OR1J2: variants seen among roughly 807,000 people sequenced by gnomAD.
OR1J2 encodes olfactory receptor family 1 subfamily J member 2, also known as olfactory receptor 1J2.
For missense variants in OR1J2, 304 were observed against 246.1 expected (o/e 1.24, Z -1.57); for synonymous variants, 142 against 99.7 (o/e 1.42, Z -2.52).
At chr9:122,575,662 C>G in the OR1J2 span, among the ~76,000 whole-genome samples, 1 of 152,126 alleles carries the variant, frequency 6.6e-6, no homozygotes, top group African/African-American at 2.4e-5. Flanking sequence ...TTGAGGTTTA[C>G]AGCATGATGC....
chr9:122,496,866 A>G, the OR1J2 span, among the ~76,000 whole-genome samples: 1 of 152,132 alleles, frequency 6.6e-6, no homozygotes, highest in Admixed American at 6.5e-5. Flanking sequence ...GGTTTGCCTT[A>G]AGTAGTTTCC....
the OR1J2 span, among the ~76,000 whole-genome samples, chr9:122,578,748 G>A: frequency 6.6e-6 from 1 of 152,124 alleles, no homozygotes; most frequent in African/African-American, 2.4e-5. Flanking sequence ...ATAAGTAGGA[G>A]CTGAGCTATG....
the OR1J2 span, among the ~76,000 whole-genome samples, chr9:122,532,971 T>G: frequency 2.0e-5 from 3 of 152,078 alleles, no homozygotes; most frequent in African/African-American, 7.2e-5. Flanking sequence ...AAATTTGGGC[T>G]TGACTGAAGT....
the OR1J2 span, among the ~76,000 whole-genome samples, chr9:122,558,872 C>T: frequency 6.6e-6 from 1 of 151,042 alleles, no homozygotes; most frequent in Non-Finnish European, 1.5e-5. Flanking sequence ...TCATTCTTTC[C>T]CTTATAATGT....
At chr9:122,507,963 C>G (rs551196928), upstream of OR1J2, among the ~76,000 whole-genome samples, 12 of 152,056 alleles carry the variant, frequency 7.9e-5, no homozygotes, top group Non-Finnish European at 1.3e-4. Flanking sequence ...TTCTGAGATT[C>G]GCAAGAGTTA....
At chr9:122,480,952 G>A in the OR1J2 span, among the ~76,000 whole-genome samples, 4 of 151,892 alleles carry the variant, frequency 2.6e-5, no homozygotes, top group African/African-American at 9.7e-5. Context: ...GCACCACTAC[G>A]CCCAGCTAAT....
At chr9:122,557,663 GTTTTC>G in the OR1J2 span, among the ~76,000 whole-genome samples, 1 of 151,968 alleles carries the variant, frequency 6.6e-6, no homozygotes, top group East Asian at 1.9e-4. Context: ...TTGGTATGTA[GTTTTC>G]TTTTCTTGTA....
the OR1J2 span, among the ~76,000 whole-genome samples, chr9:122,455,612 A>G: frequency 2.6e-5 from 4 of 152,168 alleles, no homozygotes; most frequent in Non-Finnish European, 5.9e-5. Flanking sequence ...CGATATCCTT[A>G]TCAGACATAT....
chr9:122,494,107 G>T, the OR1J2 span, among the ~76,000 whole-genome samples: 2 of 152,026 alleles, frequency 1.3e-5, no homozygotes, highest in Non-Finnish European at 2.9e-5. Context: ...CTATTGTATG[G>T]TCTATTGGGA....
At chr9:122,509,994 C>G (rs374048330), upstream of OR1J2, among the ~76,000 whole-genome samples, 8 of 152,012 alleles carry the variant, frequency 5.3e-5, no homozygotes, top group South Asian at 2.1e-4. Flanking sequence ...TGGGGCCTGT[C>G]GGGGGGTGCG....
At chr9:122,551,262 A>G in the OR1J2 span, among the ~76,000 whole-genome samples, 3 of 152,210 alleles carry the variant, frequency 2.0e-5, no homozygotes, top group Non-Finnish European at 4.4e-5. Flanking sequence ...TGTACTCCAG[A>G]GTCATTACAG....
At chr9:122,479,865 A>C in the OR1J2 span, among the ~76,000 whole-genome samples, 3 of 152,344 alleles carry the variant, frequency 2.0e-5, no homozygotes, top group Admixed American at 1.3e-4. Context: ...GAGCTATTTA[A>C]ATTTATCATA....
the OR1J2 span, chr9:122,477,421 C>T: frequency 6.2e-7 from 1 of 1,613,956 alleles, no homozygotes; most frequent in Non-Finnish European, 8.5e-7. Flanking sequence ...GTGGTCAGCA[C>T]AGAAGGAAAG....
chr9:122,572,508 T>G, the OR1J2 span, among the ~76,000 whole-genome samples: 7,522 of 152,076 alleles, frequency 0.049, 296 homozygotes, highest in South Asian at 0.17. Flanking sequence ...GGGAGAATAG[T>G]TCTAAAGTAC....
the OR1J2 span, among the ~76,000 whole-genome samples, chr9:122,497,117 C>G: frequency 6.6e-6 from 1 of 152,120 alleles, no homozygotes; most frequent in Non-Finnish European, 1.5e-5. Context: ...TTTCCCAGAC[C>G]ACAAGCCTTC....
At chr9:122,456,380 C>T in the OR1J2 span, among the ~76,000 whole-genome samples, 6 of 152,148 alleles carry the variant, frequency 3.9e-5, no homozygotes, top group Non-Finnish European at 7.4e-5. Flanking sequence ...TGTAAATTAC[C>T]TAGCTAACTA....
chr9:122,499,485 G>C, the OR1J2 span, among the ~76,000 whole-genome samples: 6 of 152,238 alleles, frequency 3.9e-5, no homozygotes, highest in African/African-American at 1.2e-4. Flanking sequence ...GCATGGATCA[G>C]AGAGAGCCCC....
the OR1J2 span, among the ~76,000 whole-genome samples, chr9:122,545,630 C>T: frequency 3.2e-4 from 49 of 152,192 alleles, no homozygotes; most frequent in African/African-American, 1.1e-3. Context: ...TTAACATAGA[C>T]ACTCCAGCTT....
At chr9:122,474,398 A>T in the OR1J2 span, among the ~76,000 whole-genome samples, 1 of 152,208 alleles carries the variant, frequency 6.6e-6, no homozygotes, top group Non-Finnish European at 1.5e-5. Context: ...ACTGACTTCC[A>T]GCTGTTTATC....
Sources: gnomAD v4.1 joint callset for allele counts (sites outside exome capture counted in the v4.1 genomes callset) on GRCh38, gnomAD v4.1.1 for gene constraint, MANE v1.5 for transcripts, NCBI Gene and HGNC (gene_info 2026-07-23, HGNC 2026-07-21) for gene names.